Variants in DSP observed in about 807,000 individuals in gnomAD.
DSP encodes desmoplakin, also known as 250/210 kDa paraneoplastic pemphigus antigen.
A neutral mutation model predicts 290.6 loss-of-function variants in DSP; 114 were observed. The observed-to-expected ratio is 0.39, with a 90% CI of 0.34 to 0.46. DSP has a LOEUF of 0.46. Ranked by LOEUF, DSP falls within the 20% of genes least tolerant of loss-of-function variation. DSP has a pLI of 0.99. For synonymous variants in DSP, 1,311 were observed against 1,316.4 expected (o/e 1.00, Z 0.09); for missense variants, 3,230 against 3,495.8 (o/e 0.92, Z 1.92).
In DSP at chr6:7,583,305, G is replaced by A. The variant is rs1200353349; in HGVS notation, c.6043G>A (p.Ala2015Thr). ...ASEIQPFLRG[A>T]GSIAGASASP... ...TGAAATCCAGCCATTCCTTCGGGGTGCAGGATCTATCGCTGGAGCATCTGC... is the reference window on the plus strand; with the variant it reads ...TGAAATCCAGCCATTCCTTCGGGGTACAGGATCTATCGCTGGAGCATCTGC... Residue 2015 changes from alanine (A) to threonine (T), a missense_variant, in exon 24 of 24, where the codon GCA becomes ACA. Coordinates refer to ENST00000379802, the MANE Select transcript of DSP (RefSeq NM_004415.4). The surrounding 1 kb of genome is among the most constrained non-coding windows in gnomAD (Gnocchi z 4.0). The A allele has an allele frequency of 1.2e-6, 2 of 1,614,108 alleles. No individual in the cohort carries two copies. Among genetic ancestry groups the A allele is most frequent in the Admixed American group, 1.7e-5 (1 of 60,012 alleles).
At chr6:7,576,857 C>G (rs1469353442) in intron 19 of DSP, 102 bp from the exon 20 acceptor site, 3 of 1,058,242 alleles carry the variant, frequency 2.8e-6, no homozygotes, top group Non-Finnish European at 4.2e-6. Context: ...TAGTAATAAA[C>G]TGAAAAAAGG....
rs768516811 is a variant in DSP at position 7,584,730 on chromosome 6, T to C, written c.7468T>C (p.Tyr2490His). 1 of 1,614,164 alleles carries C rather than the reference T, an allele frequency of 6.2e-7. No homozygotes were observed. ...GGCCTACAAGAAGGGCCTAATTGAT[T>C]ATGAAACCTTCAAAGAACTGTGTGA... ...QEAYKKGLID[Y>H]ETFKELCEQE... Residue 2490 changes from tyrosine to histidine, a missense_variant, in exon 24 of 24, where the codon TAT becomes CAT. Transcript: ENST00000379802. This position sits in a 1 kb window ranked among gnomAD's most constrained non-coding sequence, Gnocchi z 6.4.
chr6:7,549,336 ACGG>A (rs1758266419), intron 1 of DSP, among the ~76,000 whole-genome samples: 1 of 152,014 alleles, frequency 6.6e-6, no homozygotes, highest in Non-Finnish European at 1.5e-5. Context: ...TTTAGTAGAG[ACGG>A]GGTTTCTCCA....
In DSP at chr6:7,580,153, G is replaced by A. The variant is rs61731476; in HGVS notation, c.3963G>A (p.Gln1321=). The part of the protein sequence containing the change: ...QSLEEAAKTI[Q]DKNKEIERLK... ...TGGAGGAGGCTGCCAAGACCATTCA[G>A]GACAAAAATAAGGAGATCGAGAGAC... The change falls in exon 23 of 24, where the codon CAG becomes CAA. Residue 1321 remains glutamine (Q), a synonymous_variant. Coordinates refer to ENST00000379802, the MANE Select transcript of DSP (RefSeq NM_004415.4). The surrounding 1 kb of genome is among the most constrained non-coding windows in gnomAD (Gnocchi z 4.2). The A allele has an allele frequency of 0.015, 23,478 of 1,614,046 alleles. 197 individuals carry two copies. Among genetic ancestry groups the A allele is most frequent in the Non-Finnish European group, 0.016 (19,342 of 1,180,036 alleles).
In DSP at chr6:7,558,267, A is replaced by G. The variant is rs1758564707; in HGVS notation, c.422+3A>G. The G allele has an allele frequency of 1.2e-6, 2 of 1,613,762 alleles. No individual in the cohort carries two copies. Among genetic ancestry groups the G allele is most frequent in the Non-Finnish European group, 1.7e-6 (2 of 1,179,772 alleles). ...CCCTGTGATGCTTACCAGAAAAGGTATTGTCCACAGAGCATGGATCGGGCA... is the reference window on the plus strand; with the variant it reads ...CCCTGTGATGCTTACCAGAAAAGGTGTTGTCCACAGAGCATGGATCGGGCA... On this transcript the variant is annotated splice_donor_region_variant and intron_variant, in intron 3 of 23. Coordinates refer to ENST00000379802, the MANE Select transcript of DSP (RefSeq NM_004415.4).
chr6:7,562,513 A>G, intron 4 of DSP, 139 bp from the exon 5 acceptor site: 1 of 1,495,286 alleles, frequency 6.7e-7, no homozygotes, highest in Non-Finnish European at 9.2e-7. Flanking sequence ...GGGAACCTTT[A>G]AAAAATATTC....
At position 7,580,089 on chromosome 6, in the gene DSP, A is replaced by C; in HGVS notation, c.3899A>C (p.Gln1300Pro). Residue 1300 changes from glutamine to proline, a missense_variant, in exon 23 of 24, where the codon CAG (glutamine) becomes CCG (proline). Gln to Pro is a moderately conservative substitution (Grantham distance 76). Around this residue, in one of 5 missense-constraint regions of DSP, gnomAD observed 1,714 missense variants for 1,844.5 expected, o/e 0.93. Coordinates refer to ENST00000379802, the MANE Select transcript of DSP (RefSeq NM_004415.4). The surrounding 1 kb of genome is among the most constrained non-coding windows in gnomAD (Gnocchi z 4.2). ...HLEIELKQVM[Q>P]QRSEDNARHK... is the part of the protein sequence containing the mutation. ...GAGATAGAACTGAAGCAGGTCATGC[A>C]GCAGCGCTCTGAGGACAATGCCCGG... is the stretch of plus-strand genomic sequence containing the variant. The C allele has an allele frequency of 6.2e-7, 1 of 1,614,142 alleles. No individual in the cohort carries two copies. Among genetic ancestry groups the C allele is most frequent in the Non-Finnish European group, 8.5e-7 (1 of 1,180,014 alleles).
Position 7,547,979 on chromosome 6 carries a change from C to T in DSP, c.170+5894C>T, listed in dbSNP as rs143040137. 1.9e-4 allele frequency among the ~76,000 whole-genome samples: 29 copies of T among 152,062 alleles called. No individual in the cohort carries two copies. The South Asian group carries it at 2.7e-3, about 14-fold the overall frequency. ...CTGGGGCAAAGACAAAACACAAAAA[C>T]GAAATTTCTGCCGGGCGCGGTGGCT... On this transcript the variant is annotated intron_variant, in intron 1 of 23. Transcript: ENST00000379802.
intron 1 of DSP, among the ~76,000 whole-genome samples, chr6:7,555,006 C>T (rs989708247): frequency 1.1e-4 from 16 of 152,062 alleles, no homozygotes; most frequent in Non-Finnish European, 4.4e-5. Flanking sequence ...TCCTTCAGCC[C>T]GACTTGCCAG....
rs192476179 is a variant in DSP, at chr6:7,563,014, T to C, written c.726+234T>C. Among the ~76,000 whole-genome samples, 503 of 152,340 alleles carry C rather than the reference T, an allele frequency of 3.3e-3. 4 individuals are homozygous for C. The highest frequency in any genetic ancestry group is 0.012 in the African/African-American group (481 of 41,580). ...GAGGCTGAGGTTGTGCAAACACTCA[T>C]TTGCAGTTTGTGAATAAGTCTCTTT... On this transcript the variant is annotated intron_variant, in intron 5 of 23. Transcript: ENST00000379802.
chr6:7,582,689 A>G lies in DSP; in HGVS notation c.5427A>G (p.Val1809=), dbSNP rs1759477047. The change falls in exon 24 of 24, where the codon GTA becomes GTG. Residue 1809 remains valine, a synonymous_variant. Transcript: ENST00000379802. The surrounding 1 kb of genome is among the most constrained non-coding windows in gnomAD (Gnocchi z 4.2). ...QESKNQCTQV[V]QERESLLVKI... is the part of the protein sequence containing the mutation. ...CAAAGAATCAGTGTACTCAGGTGGTACAGGAAAGAGAGAGCCTTCTGGTGA... is the reference window on the plus strand; with the variant it reads ...CAAAGAATCAGTGTACTCAGGTGGTGCAGGAAAGAGAGAGCCTTCTGGTGA... The G allele has an allele frequency of 6.2e-7, 1 of 1,613,780 alleles. No individual in the cohort carries two copies. The highest frequency in any genetic ancestry group is 8.5e-7 in the Non-Finnish European group (1 of 1,179,962).
chr6:7,573,099 C>A (rs1300541204), intron 15 of DSP, among the ~76,000 whole-genome samples: 1 of 151,624 alleles, frequency 6.6e-6, no homozygotes, highest in Non-Finnish European at 1.5e-5. Flanking sequence ...CAGAGCAAGA[C>A]CCTTCTCTTT....
At chr6:7,556,036 G>A (rs534485713) in intron 2 of DSP, among the ~76,000 whole-genome samples, 2 of 152,206 alleles carry the variant, frequency 1.3e-5, no homozygotes, top group South Asian at 2.1e-4. Flanking sequence ...ACAGTTCCCC[G>A]TCCCCCTCCC....
chr6:7,570,566 A>T lies in DSP; in HGVS notation c.1701+3A>T. 6.2e-7 allele frequency: 1 copy of T among 1,612,434 alleles called. No homozygotes were observed. Among genetic ancestry groups the T allele is most frequent in the Non-Finnish European group, 8.5e-7 (1 of 1,179,806 alleles). ...TCAGGGCCATGACAATCGCCAAGGT[A>T]TGTCCTCAGGGCCACTTAGGCTGCC... On this transcript the variant is annotated splice_donor_region_variant and intron_variant, in intron 13 of 23. Transcript: ENST00000379802.
chr6:7,581,421 A>G lies in DSP; in HGVS notation c.5231A>G (p.Asp1744Gly). ...AGAGGACGAAGCGAAGCGGACAGTGATAAAAATGCAACCATCTTGGAACTA... is the reference window on the plus strand; with the variant it reads ...AGAGGACGAAGCGAAGCGGACAGTGGTAAAAATGCAACCATCTTGGAACTA... Reference protein sequence around the residue: ...LRRGRSEADSDKNATILELRS... With the variant: ...LRRGRSEADSGKNATILELRS... The change falls in exon 23 of 24, where the codon GAT (aspartate) becomes GGT (glycine). Residue 1744 changes from aspartate to glycine, a missense_variant. Asp to Gly is a moderately conservative substitution (Grantham distance 94). This residue lies in a region of DSP where 1,714 missense variants were observed against 1,844.5 expected (regional missense o/e 0.93). Coordinates refer to ENST00000379802, the MANE Select transcript of DSP (RefSeq NM_004415.4). The G allele has an allele frequency of 6.2e-7, 1 of 1,613,178 alleles. No individual in the cohort carries two copies. Among genetic ancestry groups the G allele is most frequent in the Non-Finnish European group, 8.5e-7 (1 of 1,179,660 alleles).
At chr6:7,549,975 T>C (rs1758286371) in intron 1 of DSP, among the ~76,000 whole-genome samples, 1 of 151,998 alleles carries the variant, frequency 6.6e-6, no homozygotes, top group Non-Finnish European at 1.5e-5. Flanking sequence ...AATATTTGTC[T>C]TGTTTTTTTG....
chr6:7,561,547 C>T (rs976926127), intron 4 of DSP, among the ~76,000 whole-genome samples: 7 of 152,068 alleles, frequency 4.6e-5, no homozygotes, highest in South Asian at 4.2e-4. Context: ...TTGTGTTTGC[C>T]GATGGACAGG....
chr6:7,584,143 C>T lies in DSP; in HGVS notation c.6881C>T (p.Ala2294Val). ...GGTACTGCTCTGGAGTTGCTGGAAGCCCAAGCAGCTACTGGCTTTATAGTG... is the reference window on the plus strand; with the variant it reads ...GGTACTGCTCTGGAGTTGCTGGAAGTCCAAGCAGCTACTGGCTTTATAGTG... ...RPGTALELLEAQAATGFIVDP... is the reference protein window; with the variant it reads ...RPGTALELLEVQAATGFIVDP... The change falls in exon 24 of 24, where the codon GCC becomes GTC. Residue 2294 changes from alanine (A) to valine (V), a missense_variant. By Grantham distance (64) the Ala-to-Val change is moderately conservative. This residue lies in a region of DSP where 207 missense variants were observed against 281.2 expected (regional missense o/e 0.74). Transcript: ENST00000379802. This position sits in a 1 kb window ranked among gnomAD's most constrained non-coding sequence, Gnocchi z 6.4. 6.2e-7 allele frequency: 1 copy of T among 1,614,152 alleles called. No individual in the cohort carries two copies. The highest frequency in any genetic ancestry group is 1.1e-5 in the South Asian group (1 of 91,064).
intron 5 of DSP, 79 bp downstream of exon 5, chr6:7,562,859 C>T: frequency 6.3e-7 from 1 of 1,590,882 alleles, no homozygotes; most frequent in Non-Finnish European, 8.6e-7. Flanking sequence ...CAGGGAGTTT[C>T]TTCTGAAACA....
Sources: gnomAD v4.1 joint callset for allele counts (sites outside exome capture counted in the v4.1 genomes callset) on GRCh38, gnomAD v4.1.1 for gene constraint, gnomAD v4.1.1 regional missense constraint, Gnocchi (gnomAD v3.1) non-coding constraint, MANE v1.5 for transcripts, NCBI Gene and HGNC (gene_info 2026-07-23, HGNC 2026-07-21) for gene names.